The following ABTB2 variants were observed in gnomAD, a reference collection of about 807,000 sequenced individuals.
The protein encoded by ABTB2 is ankyrin repeat and BTB/POZ domain-containing protein 2.
Under a neutral mutation model 104.1 loss-of-function variants are expected in ABTB2, and 56 were observed. The observed-to-expected ratio is 0.54, with a 90% CI of 0.43 to 0.67. The LOEUF (loss-of-function observed/expected upper bound fraction) is 0.67, where lower values mean the gene tolerates loss of function less well. ABTB2 is among the 30% of genes least tolerant of loss of function. The probability of loss-of-function intolerance (pLI) is 0.00; values close to 1 mark genes in which losing one functional copy is unlikely to be tolerated. For synonymous variants in ABTB2, 606 were observed against 608.2 expected (o/e 1.00, Z 0.05); for missense variants, 1,279 against 1,407.7 (o/e 0.91, Z 1.46).
intron 5 of ABTB2, among the ~76,000 whole-genome samples, chr11:34,168,908 T>C (rs1414204226): frequency 6.6e-6 from 1 of 152,254 alleles, no homozygotes; most frequent in Non-Finnish European, 1.5e-5. Context: ...AGCAAGTGTT[T>C]GCCTGGTGTC....
chr11:34,223,953 T>A (rs1021038768), intron 1 of ABTB2, among the ~76,000 whole-genome samples: 1 of 152,166 alleles, frequency 6.6e-6, no homozygotes, highest in African/African-American at 2.4e-5. Context: ...GCCCAGGACC[T>A]CACGTACAAC....
At chr11:34,209,316 T>C (rs1853447189) in intron 1 of ABTB2, among the ~76,000 whole-genome samples, 1 of 151,720 alleles carries the variant, frequency 6.6e-6, no homozygotes. Flanking sequence ...CACTCCAGCC[T>C]GGGCAACAGA....
intron 13 of ABTB2, among the ~76,000 whole-genome samples, 193 bp downstream of exon 13, chr11:34,159,713 C>G (rs1206141699): frequency 6.6e-6 from 1 of 152,240 alleles, no homozygotes; most frequent in Non-Finnish European, 1.5e-5. Context: ...CAGAGCCCCC[C>G]TTTCCTGCTG....
chr11:34,301,977 A>G (rs1017456286), intron 1 of ABTB2, among the ~76,000 whole-genome samples: 1 of 152,210 alleles, frequency 6.6e-6, no homozygotes, highest in Non-Finnish European at 1.5e-5. Context: ...ACAGAGTGAG[A>G]CCCTGTGTCA....
At position 34,208,431 on chromosome 11, in the gene ABTB2, C is replaced by T. The variant is rs578249538; in HGVS notation, c.884-3741G>A. 7.9e-5 allele frequency among the ~76,000 whole-genome samples: 12 copies of T among 152,282 alleles called. No individual in the cohort carries two copies. In the South Asian group the frequency reaches 1.2e-3, roughly 16 times the overall value. ...AAAGCCACGGAGGGAACCGCATGCA[C>T]CACCCTGTACCCATGACTGTGAGTG... On this transcript the variant is annotated intron_variant, in intron 1 of 16. Transcript: ENST00000435224.
At chr11:34,332,542 T>A (rs2133117665) in intron 1 of ABTB2, among the ~76,000 whole-genome samples, 1 of 152,230 alleles carries the variant, frequency 6.6e-6, no homozygotes, top group Non-Finnish European at 1.5e-5. Flanking sequence ...GATATTTTGG[T>A]TGGGTTTTTT....
intron 12 of ABTB2, 97 bp from the exon 13 acceptor site, chr11:34,160,105 G>A: frequency 1.6e-6 from 2 of 1,262,242 alleles, no homozygotes; most frequent in Non-Finnish European, 2.3e-6. Context: ...GTTGGGGGTG[G>A]GACACAGAGG....
chr11:34,342,572 T>C (rs1435190672), intron 1 of ABTB2, among the ~76,000 whole-genome samples: 1 of 152,156 alleles, frequency 6.6e-6, no homozygotes, highest in Admixed American at 6.5e-5. Context: ...AGCAGCAAAA[T>C]GGGAGTAAGA....
At chr11:34,155,667 C>T (rs541267179) in intron 14 of ABTB2, among the ~76,000 whole-genome samples, 1 of 152,360 alleles carries the variant, frequency 6.6e-6, no homozygotes, top group East Asian at 1.9e-4. Context: ...GAAGGCCCAA[C>T]TGTGGGGAGA....
intron 5 of ABTB2, among the ~76,000 whole-genome samples, chr11:34,168,751 C>G (rs1335843375): frequency 6.6e-6 from 1 of 152,238 alleles, no homozygotes; most frequent in Non-Finnish European, 1.5e-5. Context: ...TGCTACTGAG[C>G]AGTTCAGAGC....
intron 1 of ABTB2, among the ~76,000 whole-genome samples, chr11:34,306,089 G>C (rs1259103613): frequency 6.6e-6 from 1 of 152,098 alleles, no homozygotes; most frequent in Non-Finnish European, 1.5e-5. Flanking sequence ...GAAGTTAACA[G>C]TCACATTCTC....
At chr11:34,248,730 T>C (rs1854017048) in intron 1 of ABTB2, among the ~76,000 whole-genome samples, 1 of 152,228 alleles carries the variant, frequency 6.6e-6, no homozygotes, top group East Asian at 1.9e-4. Flanking sequence ...CATACAACTT[T>C]TCAAAGCAGG....
At chr11:34,219,564 A>G (rs73491829) in intron 1 of ABTB2, among the ~76,000 whole-genome samples, 4,608 of 152,312 alleles carry the variant, frequency 0.03, 232 homozygotes, top group African/African-American at 0.11. Context: ...AAACAAAAAA[A>G]GAGAAATTCT....
chr11:34,284,566 G>T (rs771699986), intron 1 of ABTB2, among the ~76,000 whole-genome samples: 13 of 152,178 alleles, frequency 8.5e-5, no homozygotes, highest in African/African-American at 2.2e-4. Flanking sequence ...GAAAGCTGAC[G>T]CTGGAAGAAA....
intron 1 of ABTB2, among the ~76,000 whole-genome samples, chr11:34,235,784 C>T (rs61306404): frequency 0.023 from 3,458 of 152,280 alleles, 131 homozygotes; most frequent in East Asian, 0.17. Flanking sequence ...CTGATCCATG[C>T]TAGAGGCATT....
chr11:34,220,031 C>T (rs1853598877), intron 1 of ABTB2, among the ~76,000 whole-genome samples: 1 of 152,198 alleles, frequency 6.6e-6, no homozygotes, highest in African/African-American at 2.4e-5. Context: ...CCCTGGTTAT[C>T]TCATAGTTAA....
intron 3 of ABTB2, among the ~76,000 whole-genome samples, chr11:34,192,032 T>TA (rs1260488953): frequency 6.6e-6 from 1 of 152,236 alleles, no homozygotes; most frequent in Non-Finnish European, 1.5e-5. Flanking sequence ...GGCTCATGGC[T>TA]ATAATCCCAG....
intron 1 of ABTB2, among the ~76,000 whole-genome samples, chr11:34,219,734 C>T (rs893161079): frequency 6.6e-6 from 1 of 152,134 alleles, no homozygotes; most frequent in Non-Finnish European, 1.5e-5. Flanking sequence ...CTTGGATATA[C>T]CATATAGCCT....
intron 1 of ABTB2, among the ~76,000 whole-genome samples, chr11:34,329,969 C>T (rs1282510475): frequency 6.6e-6 from 1 of 152,196 alleles, no homozygotes; most frequent in Non-Finnish European, 1.5e-5. Flanking sequence ...AGAACTCCGT[C>T]CCATCTCTGT....
Sources: allele counts gnomAD v4.1 joint callset (sites outside exome capture counted in the v4.1 genomes callset), GRCh38; gene constraint gnomAD v4.1.1; transcripts MANE v1.5; gene names NCBI Gene and HGNC (gene_info 2026-07-23, HGNC 2026-07-21).